Variants in ITGA6 observed in about 807,000 individuals in gnomAD.
ITGA6 encodes the protein integrin alpha-6.
A neutral mutation model predicts 133.6 loss-of-function variants in ITGA6; 63 were observed. That is an observed-to-expected ratio of 0.47 (90% CI 0.38 to 0.58). The LOEUF is 0.58. ITGA6 is among the 20% of genes least tolerant of loss of function. ITGA6 has a pLI of 0.00. For missense variants in ITGA6, 1,068 were observed against 1,309.4 expected (o/e 0.82, Z 2.85); for synonymous variants, 434 against 482.0 (o/e 0.90, Z 1.30).
intron 3 of ITGA6, 64 bp downstream of exon 3, chr2:172,467,624 C>A: frequency 7.8e-7 from 1 of 1,282,418 alleles, no homozygotes; most frequent in Non-Finnish European, 1.1e-6. Context: ...CAGCACCAGG[C>A]TTACAGCAGG....
intron 1 of ITGA6, among the ~76,000 whole-genome samples, chr2:172,460,810 G>A (rs1409314790): frequency 6.6e-6 from 1 of 152,138 alleles, no homozygotes; most frequent in Admixed American, 6.5e-5. Flanking sequence ...AGCAGGCTGT[G>A]TTTTAAATTA....
At chr2:172,450,472 A>G (rs1684940076) in intron 1 of ITGA6, among the ~76,000 whole-genome samples, 1 of 152,238 alleles carries the variant, frequency 6.6e-6, no homozygotes, top group Non-Finnish European at 1.5e-5. Context: ...GTTGATCACA[A>G]ACTGGATTAA....
Position 172,457,209 on chromosome 2 carries a change from G to A in ITGA6, c.183-8330G>A, listed in dbSNP as rs190847888. On this transcript the variant is annotated intron_variant, in intron 1 of 25. Coordinates refer to ENST00000684293, the MANE Select transcript of ITGA6 (RefSeq NM_000210.4). ...CTGAGGAGGCTGAAGCAGGAGAATC[G>A]ATTGAACCTTGGGAGGTGGAGGTTG... Among the ~76,000 whole-genome samples, 393 of 146,122 alleles carry A rather than the reference G, an allele frequency of 2.7e-3. 2 individuals carry two copies. Among genetic ancestry groups the A allele is most frequent in the Non-Finnish European group, 4.3e-3 (292 of 67,470 alleles).
chr2:172,431,387 T>C (rs1684099317), intron 1 of ITGA6, among the ~76,000 whole-genome samples: 1 of 152,206 alleles, frequency 6.6e-6, no homozygotes, highest in Non-Finnish European at 1.5e-5. Flanking sequence ...CATCTGAATT[T>C]TGGAAGTGTA....
Position 172,475,689 on chromosome 2 carries a change from A to G in ITGA6, c.1269+4A>G, listed in dbSNP as rs778636192. The G allele has an allele frequency of 6.6e-7, 1 of 1,521,504 alleles. No individual in the cohort carries two copies. The highest frequency in any genetic ancestry group is 2.3e-5 in the East Asian group (1 of 44,382). 94.3% of individuals were successfully genotyped at this position (1,521,504 alleles called of 1,614,324 possible). ...AATAAATACCAAACCAACACAGGTA[A>G]CCAAATAACCGGGATTTCTACAGCT... On this transcript the variant is annotated splice_donor_region_variant and intron_variant, in intron 8 of 25. Coordinates refer to ENST00000684293, the MANE Select transcript of ITGA6 (RefSeq NM_000210.4).
chr2:172,445,378 G>T (rs1194796965), intron 1 of ITGA6, among the ~76,000 whole-genome samples: 2 of 146,834 alleles, frequency 1.4e-5, no homozygotes, highest in South Asian at 4.3e-4. Context: ...GGCCGGGCGC[G>T]GTGGCTCACG....
chr2:172,481,776 G>A (rs1050543638), intron 11 of ITGA6, among the ~76,000 whole-genome samples: 1 of 152,130 alleles, frequency 6.6e-6, no homozygotes, highest in Non-Finnish European at 1.5e-5. Context: ...TGATGCAGCC[G>A]GCATTTTGTC....
intron 7 of ITGA6, 116 bp from the exon 8 acceptor site, chr2:172,475,481 A>AC (rs1380914906): frequency 1.4e-5 from 11 of 769,464 alleles, no homozygotes; most frequent in East Asian, 5.0e-5. Context: ...ACAAAAAAAA[A>AC]CCCCGAAAAA....
intron 1 of ITGA6, among the ~76,000 whole-genome samples, chr2:172,456,199 C>T (rs2149024520): frequency 6.6e-6 from 1 of 152,326 alleles, no homozygotes; most frequent in Middle Eastern, 3.4e-3. Flanking sequence ...CCTGGAGGGT[C>T]AAGCTGCGGG....
intron 5 of ITGA6, among the ~76,000 whole-genome samples, chr2:172,471,630 A>G (rs1405184935): frequency 1.3e-5 from 2 of 152,206 alleles, no homozygotes. Flanking sequence ...GGCCCCACAG[A>G]TGGATAAAAG....
Position 172,474,048 on chromosome 2 carries a change from T to C in ITGA6, c.776-7T>C, listed in dbSNP as rs1375068527. 6.2e-7 allele frequency: 1 copy of C among 1,606,870 alleles called. No homozygotes were observed. The highest frequency in any genetic ancestry group is 1.7e-5 in the Admixed American group (1 of 59,932). On this transcript the variant is annotated splice_region_variant and splice_polypyrimidine_tract_variant and intron_variant, in intron 5 of 25. Transcript: ENST00000684293. ...TGTGAGGGGCTCTATATATTTTGTT[T>C]TTCTAGGTTTTTCTTTGGACTCAGG...
intron 2 of ITGA6, 191 bp downstream of exon 2, chr2:172,465,854 T>A: frequency 1.2e-6 from 1 of 814,054 alleles, no homozygotes; most frequent in Non-Finnish European, 2.0e-6. Context: ...GGATGCCGCG[T>A]GTTTTGCTGC....
intron 1 of ITGA6, among the ~76,000 whole-genome samples, chr2:172,452,772 G>A (rs1195264799): frequency 6.6e-6 from 1 of 152,188 alleles, no homozygotes. Flanking sequence ...TTGTAACCGG[G>A]TAAGTTACAG....
rs1318106385 is a variant in ITGA6 at position 172,504,243 on chromosome 2, C to T, written c.*175C>T. ...TCACAAAGTGGAACGAAAATGAAAG[C>T]TACTCATAGCGGGGGCCTAAAAAAA... On this transcript the variant is annotated 3_prime_UTR_variant, in exon 26 of 26. Coordinates refer to ENST00000684293, the MANE Select transcript of ITGA6 (RefSeq NM_000210.4). 2 of 1,560,384 alleles carry T rather than the reference C, an allele frequency of 1.3e-6. No homozygotes were observed. Among genetic ancestry groups the T allele is most frequent in the African/African-American group, 1.4e-5 (1 of 72,560 alleles).
At chr2:172,449,798 G>T (rs1003030413) in intron 1 of ITGA6, among the ~76,000 whole-genome samples, 2 of 151,988 alleles carry the variant, frequency 1.3e-5, no homozygotes, top group Non-Finnish European at 2.9e-5. Flanking sequence ...GCACATGCCT[G>T]TAATCCAGGC....
Position 172,497,988 on chromosome 2 carries a change from T to A in ITGA6, c.3002T>A (p.Val1001Glu). The change falls in exon 24 of 26, where the codon GTG (valine) becomes GAG (glutamate). Residue 1001 changes from valine (V) to glutamate (E), a missense_variant. This residue lies in a region of ITGA6 where 609 missense variants were observed against 707.2 expected (regional missense o/e 0.86). Transcript: ENST00000684293. The stretch of plus-strand genomic sequence containing the variant: ...TCTGCCCTGTAGGTTCGAGTGACTG[T>A]GTTTCCCTCAAAGACTGTAGCTCAG... ...PNAGTQVRVT[V>E]FPSKTVAQYS... The A allele has an allele frequency of 1.2e-6, 2 of 1,614,038 alleles. No homozygotes were observed. The highest frequency in any genetic ancestry group is 1.7e-6 in the Non-Finnish European group (2 of 1,179,914).
chr2:172,475,820 T>C, intron 8 of ITGA6, 135 bp downstream of exon 8: 1 of 654,382 alleles, frequency 1.5e-6, no homozygotes, highest in African/African-American at 1.8e-5. Context: ...TTTTTAAAAA[T>C]GTATTACTAG....
intron 1 of ITGA6, among the ~76,000 whole-genome samples, chr2:172,447,747 A>G (rs1410078088): frequency 6.6e-6 from 1 of 152,126 alleles, no homozygotes; most frequent in Non-Finnish European, 1.5e-5. Context: ...AGAATTCCAG[A>G]ATTCTTTTCC....
rs1416911618 is a variant in ITGA6 at position 172,501,818 on chromosome 2, A to G, written c.3161A>G (p.Tyr1054Cys). 1.2e-6 allele frequency: 2 copies of G among 1,612,438 alleles called. No individual in the cohort carries two copies. Among genetic ancestry groups the G allele is most frequent in the Admixed American group, 3.3e-5 (2 of 60,002 alleles). The change falls in exon 25 of 26, where the codon TAT (tyrosine) becomes TGT (cysteine). Residue 1054 changes from tyrosine to cysteine, a missense_variant. Physicochemically the swap from Tyr to Cys is radical, Grantham distance 194. Transcript: ENST00000684293. ...RNKKDHYDAT[Y>C]HKAEIHAQPS... ...AAGAAAGATCATTATGATGCCACAT[A>G]TCACAAGGCTGAGATCCATGCTCAG...
Sources: allele counts gnomAD v4.1 joint callset (sites outside exome capture counted in the v4.1 genomes callset), GRCh38; gene constraint gnomAD v4.1.1; regional missense constraint gnomAD v4.1.1; transcripts MANE v1.5; gene names NCBI Gene and HGNC (gene_info 2026-07-23, HGNC 2026-07-21).